STPG2: variants seen among roughly 807,000 people sequenced by gnomAD.
The protein encoded by STPG2 is sperm-tail PG-rich repeat-containing protein 2.
In STPG2, 56 loss-of-function variants were observed where a neutral mutation model predicts 54.2. That is an observed-to-expected ratio of 1.03 (90% CI 0.83 to 1.29). The LOEUF is 1.29. Among genes scored for constraint, STPG2 ranks in the 50% most tolerant of loss-of-function variants. The pLI, the probability that STPG2 is intolerant of heterozygous loss-of-function variation, is 0.00. For missense variants in STPG2, 596 were observed against 544.9 expected (o/e 1.09, Z -0.93); for synonymous variants, 200 against 181.8 (o/e 1.10, Z -0.81).
chr4:97,952,043 T>C (rs931680290), intron 7 of STPG2, among the ~76,000 whole-genome samples: 6 of 152,032 alleles, frequency 3.9e-5, no homozygotes, highest in African/African-American at 1.2e-4. Context: ...TCATGACCCA[T>C]TGTTCCAGTA....
At chr4:97,833,507 G>C (rs1188336586) in intron 9 of STPG2, among the ~76,000 whole-genome samples, 2 of 152,056 alleles carry the variant, frequency 1.3e-5, no homozygotes, top group Non-Finnish European at 2.9e-5. Context: ...TTGACAAATG[G>C]GATCTAATTA....
chr4:97,535,327 C>A (rs1408071485), intron 4 of STPG2, among the ~76,000 whole-genome samples: 2 of 152,144 alleles, frequency 1.3e-5, no homozygotes, highest in African/African-American at 4.8e-5. Context: ...TAAAGCAAGT[C>A]CATGAATATG....
At chr4:97,775,083 A>C (rs1726333976) in intron 9 of STPG2, among the ~76,000 whole-genome samples, 1 of 152,240 alleles carries the variant, frequency 6.6e-6, no homozygotes, top group African/African-American at 2.4e-5. Flanking sequence ...AAATGTAGTC[A>C]GTCTATCCTA....
intron 10 of STPG2, among the ~76,000 whole-genome samples, chr4:97,601,365 CTTATA>C (rs1733456687): frequency 6.6e-6 from 1 of 151,990 alleles, no homozygotes; most frequent in African/African-American, 2.4e-5. Context: ...AAAAAAGAAT[CTTATA>C]TAAGTATAGA....
At chr4:97,639,466 C>T (rs939603417) in intron 10 of STPG2, among the ~76,000 whole-genome samples, 5 of 150,262 alleles carry the variant, frequency 3.3e-5, no homozygotes, top group South Asian at 2.1e-4. Flanking sequence ...GCACAATGTG[C>T]ACATGTACCC....
At chr4:97,949,946 A>G (rs1299988073) in intron 7 of STPG2, among the ~76,000 whole-genome samples, 1 of 152,082 alleles carries the variant, frequency 6.6e-6, no homozygotes, top group Non-Finnish European at 1.5e-5. Flanking sequence ...GTATTTGGAT[A>G]TCTAAATCAC....
chr4:97,666,750 A>C (rs769148666), intron 10 of STPG2, among the ~76,000 whole-genome samples: 12 of 152,220 alleles, frequency 7.9e-5, no homozygotes, highest in Non-Finnish European at 1.8e-4. Flanking sequence ...TTATACAAGC[A>C]AGAAGGCTAA....
chr4:97,795,584 C>A (rs1348495499), intron 9 of STPG2, among the ~76,000 whole-genome samples: 1 of 152,194 alleles, frequency 6.6e-6, no homozygotes, highest in Non-Finnish European at 1.5e-5. Context: ...TTTTCTTAAT[C>A]CAGTCTATCA....
intron 9 of STPG2, among the ~76,000 whole-genome samples, chr4:97,783,140 G>A (rs1314893454): frequency 2.0e-5 from 3 of 152,178 alleles, no homozygotes; most frequent in Non-Finnish European, 2.9e-5. Context: ...AGAGTGAACA[G>A]GCAACCTACA....
chr4:97,524,856 T>C lies in STPG2; in HGVS notation c.462+187843A>G, dbSNP rs62315844. ...GAATTTTTCTTCTTAAATAGTGGCC[T>C]GTGTTTCTGTCTTTTCTCTTCAAGA... On this transcript the variant is annotated intron_variant, in intron 4 of 4. Transcript: ENST00000522676. Among the ~76,000 whole-genome samples the C allele has an allele frequency of 3.8e-3, 576 of 152,112 alleles. 3 individuals are homozygous for C. The highest frequency in any genetic ancestry group is 0.017 in the Middle Eastern group (5 of 294).
At chr4:97,918,511 A>G (rs936343833) in intron 8 of STPG2, among the ~76,000 whole-genome samples, 3 of 152,110 alleles carry the variant, frequency 2.0e-5, no homozygotes, top group Admixed American at 6.6e-5. Flanking sequence ...CATGCTGTGT[A>G]TGTGTAATAA....
chr4:98,042,388 T>C (rs1401473981), intron 5 of STPG2, among the ~76,000 whole-genome samples: 1 of 151,846 alleles, frequency 6.6e-6, no homozygotes, highest in Non-Finnish European at 1.5e-5. Context: ...TTTGCTTTGG[T>C]TTCTCTAGAC....
intron 9 of STPG2, among the ~76,000 whole-genome samples, chr4:97,779,486 A>C (rs1726522090): frequency 6.6e-6 from 1 of 152,172 alleles, no homozygotes; most frequent in African/African-American, 2.4e-5. Context: ...GGGAGAATGG[A>C]ACCAAACTGG....
chr4:98,050,171 CAAAG>C (rs1366945743), intron 5 of STPG2, among the ~76,000 whole-genome samples: 2 of 151,970 alleles, frequency 1.3e-5, no homozygotes, highest in African/African-American at 4.8e-5. Flanking sequence ...AATTTGAACA[CAAAG>C]AAGCTAGCTG....
intron 4 of STPG2, among the ~76,000 whole-genome samples, chr4:97,454,798 G>GT (rs201272981): frequency 6.6e-6 from 1 of 152,028 alleles, no homozygotes; most frequent in Non-Finnish European, 1.5e-5. Context: ...TTATGTTGTT[G>GT]TTTTATATAA....
intron 8 of STPG2, among the ~76,000 whole-genome samples, chr4:97,914,134 A>G (rs186905615): frequency 1.4e-4 from 22 of 152,338 alleles, no homozygotes; most frequent in Admixed American, 8.5e-4. Flanking sequence ...GACACCAACA[A>G]GCACGAAAAT....
intron 8 of STPG2, among the ~76,000 whole-genome samples, chr4:97,903,469 ATAAAG>A (rs1483612125): frequency 5.3e-5 from 8 of 152,256 alleles, no homozygotes; most frequent in Admixed American, 1.3e-4. Context: ...AGCAAATTAA[ATAAAG>A]TAAATAAAGG....
intron 10 of STPG2, among the ~76,000 whole-genome samples, chr4:97,614,208 C>T (rs1400727567): frequency 6.6e-6 from 1 of 151,960 alleles, no homozygotes; most frequent in Non-Finnish European, 1.5e-5. Context: ...TAGGCCATCC[C>T]TAAAGAACTG....
chr4:97,812,753 C>T (rs1727780041), intron 9 of STPG2, among the ~76,000 whole-genome samples: 1 of 152,136 alleles, frequency 6.6e-6, no homozygotes, highest in African/African-American at 2.4e-5. Flanking sequence ...CACCTACAAT[C>T]TCATGGATAG....
Sources: gnomAD v4.1 joint callset for allele counts (sites outside exome capture counted in the v4.1 genomes callset) on GRCh38, gnomAD v4.1.1 for gene constraint, MANE v1.5 for transcripts, NCBI Gene and HGNC (gene_info 2026-07-23, HGNC 2026-07-21) for gene names.